Variants in PKN3 observed in about 807,000 individuals in gnomAD.
PKN3 encodes protein kinase N3.
PKN3 carries 91 observed loss-of-function variants against 113.1 expected under a neutral mutation model. That is an observed-to-expected ratio of 0.80 (90% CI 0.68 to 0.96). PKN3 has a LOEUF of 0.96. Among genes scored for constraint, PKN3 ranks in the 40% least tolerant of loss-of-function variants. PKN3 has a pLI of 0.00. For synonymous variants in PKN3, 467 were observed against 499.0 expected, an observed-to-expected ratio of 0.94 and a Z score of 0.85; for missense variants, 1,052 against 1,202.2, an observed-to-expected ratio of 0.88 and a Z score of 1.85.
At chr9:128,716,693 G>A (rs1413484132) in intron 15 of PKN3, 54 bp from the exon 16 acceptor site, 1 of 1,498,352 alleles carries the variant, frequency 6.7e-7, no homozygotes, top group Non-Finnish European at 9.2e-7. Context: ...AGGGCACAGG[G>A]CACAGCCCAG....
rs149634754 is a variant in PKN3, at chr9:128,702,541, G to A, written c.-375G>A. On this transcript the variant is annotated 5_prime_UTR_variant, in exon 1 of 22. Coordinates refer to ENST00000291906, the MANE Select transcript of PKN3 (RefSeq NM_013355.5). ...ACTGGCCGGCTCCCGCGGGCGCGCG[G>A]CGGGGAAGGCCAGAGGACCTGGGCG... The A allele has an allele frequency of 2.8e-3, 644 of 232,114 alleles. 2 individuals are homozygous for A. Among genetic ancestry groups the A allele is most frequent in the African/African-American group, 0.012 (548 of 43,884 alleles). 14.4% of individuals were successfully genotyped at this position (232,114 alleles called of 1,614,324 possible). A position where few individuals can be genotyped will look rare whatever the true frequency, so the allele number is the denominator to read the frequency against.
At chr9:128,704,512 A>G (rs1425978986) in intron 1 of PKN3, among the ~76,000 whole-genome samples, 1 of 152,132 alleles carries the variant, frequency 6.6e-6, no homozygotes, top group Non-Finnish European at 1.5e-5. Context: ...GAGCAGCCTG[A>G]TTACCCAGGG....
In PKN3 at chr9:128,706,883, G is replaced by A. The variant is rs1160306798; in HGVS notation, c.524-13G>A. 15 of 1,613,956 alleles carry A rather than the reference G, an allele frequency of 9.3e-6. No homozygotes were observed. The highest frequency in any genetic ancestry group is 3.3e-4 in the Middle Eastern group (2 of 6,060). The stretch of plus-strand genomic sequence containing the variant: ...GGAAGAGCAGGGCCTGAGAGCCGCC[G>A]TCCTTCCCACAGGGCCTGAGCTGCT... On this transcript the variant is annotated splice_polypyrimidine_tract_variant and intron_variant, in intron 4 of 21. Coordinates refer to ENST00000291906, the MANE Select transcript of PKN3 (RefSeq NM_013355.5).
intron 6 of PKN3, among the ~76,000 whole-genome samples, chr9:128,712,181 A>T (rs1862200546): frequency 6.6e-6 from 1 of 152,114 alleles, no homozygotes; most frequent in Admixed American, 6.5e-5. Flanking sequence ...AAGTGTTGGG[A>T]TTACAGGCAT....
chr9:128,712,193 A>G (rs1343211366), intron 6 of PKN3, among the ~76,000 whole-genome samples: 1 of 152,170 alleles, frequency 6.6e-6, no homozygotes, highest in African/African-American at 2.4e-5. Flanking sequence ...TACAGGCATG[A>G]GCCACTGCGC....
chr9:128,714,620 C>A lies in PKN3; in HGVS notation c.1540C>A (p.Pro514Thr). Reference protein sequence around the residue: ...GEEMTPPPKPPRLYLPQEPTS... With the variant: ...GEEMTPPPKPTRLYLPQEPTS... The stretch of plus-strand genomic sequence containing the variant: ...AGAGATGACACCCCCACCCAAGCCC[C>A]CACGCCTCTACCTCCCCCAGGAGCC... The change falls in exon 12 of 22, where the codon CCA becomes ACA. Residue 514 changes from proline (P) to threonine (T), a missense_variant. This residue lies in a region of PKN3 where 719 missense variants were observed against 759.4 expected (regional missense o/e 0.95). Coordinates refer to ENST00000291906, the MANE Select transcript of PKN3 (RefSeq NM_013355.5). 1 of 1,450,752 alleles carries A rather than the reference C, an allele frequency of 6.9e-7. No individual in the cohort carries two copies. Among genetic ancestry groups the A allele is most frequent in the Non-Finnish European group, 9.7e-7 (1 of 1,031,064 alleles). The allele number at this position is 1,450,752 out of a possible 1,614,324, so 89.9% of individuals were successfully genotyped here.
Position 128,705,330 on chromosome 9 carries a change from G to A in PKN3, c.52G>A (p.Asp18Asn), listed in dbSNP as rs760040215. The A allele has an allele frequency of 6.4e-7, 1 of 1,564,526 alleles. No homozygotes were observed. The highest frequency in any genetic ancestry group is 1.2e-5 in the South Asian group (1 of 85,364). ...QPGPSQWPPE[D>N]EKEVIRRAIQ... ...TGGGCCGAGCCAGTGGCCCCCAGAG[G>A]ATGAGAAGGAGGTGATCCGCCGGGC... is the stretch of plus-strand genomic sequence containing the variant. The change falls in exon 2 of 22, where the codon GAT becomes AAT. Residue 18 changes from aspartate to asparagine, a missense_variant. By Grantham distance (23) the Asp-to-Asn change is conservative. This residue lies in a region of PKN3 where 719 missense variants were observed against 759.4 expected (regional missense o/e 0.95). Coordinates refer to ENST00000291906, the MANE Select transcript of PKN3 (RefSeq NM_013355.5).
At chr9:128,713,971 C>A (rs1287644156) in intron 9 of PKN3, 75 bp from the exon 10 acceptor site, 4 of 1,495,060 alleles carry the variant, frequency 2.7e-6, no homozygotes, top group Admixed American at 1.7e-5. Context: ...GGGCTGTAAT[C>A]CCAGGGGCAG....
At position 128,702,801 on chromosome 9, in the gene PKN3, G is replaced by A; in HGVS notation, c.-115G>A. 1 of 777,270 alleles carries A rather than the reference G, an allele frequency of 1.3e-6. No homozygotes were observed. The highest frequency in any genetic ancestry group is 2.1e-6 in the Non-Finnish European group (1 of 487,148). 48.1% of individuals were successfully genotyped at this position (777,270 alleles called of 1,614,324 possible). On this transcript the variant is annotated 5_prime_UTR_variant, in exon 1 of 22. Transcript: ENST00000291906. ...GTCTCGGGAGGGGGCGCCCGATCCC[G>A]CGTCTCCGGCGCCGCTTCCCGGGAA...
rs1488568550 is a variant in PKN3 at position 128,714,789 on chromosome 9, T to C, written c.1585-9T>C. 1 of 1,613,168 alleles carries C rather than the reference T, an allele frequency of 6.2e-7. No homozygotes were observed. The highest frequency in any genetic ancestry group is 8.5e-7 in the Non-Finnish European group (1 of 1,179,354). On this transcript the variant is annotated splice_polypyrimidine_tract_variant and intron_variant, in intron 12 of 21. Transcript: ENST00000291906. ...CCCAGCCCTGCCCTGAGCTCCTCTA[T>C]ACTCACAGCGCACCAAACGTCCCCA... is the stretch of plus-strand genomic sequence containing the variant.
At position 128,720,378 on chromosome 9, in the gene PKN3, T is replaced by C. The variant is rs1329676008; in HGVS notation, c.2458-16T>C. ...TGCTGTTCCTGCCGTCTCAGGCGCC[T>C]CTCCTTTGCCCTCAGACCACCAACT... On this transcript the variant is annotated splice_polypyrimidine_tract_variant and intron_variant, in intron 21 of 21. Coordinates refer to ENST00000291906, the MANE Select transcript of PKN3 (RefSeq NM_013355.5). This position sits in a 1 kb window ranked among gnomAD's most constrained non-coding sequence, Gnocchi z 5.5. The C allele has an allele frequency of 1.2e-6, 2 of 1,612,480 alleles. No individual in the cohort carries two copies. The highest frequency in any genetic ancestry group is 2.7e-5 in the African/African-American group (2 of 74,826).
intron 16 of PKN3, among the ~76,000 whole-genome samples, 190 bp downstream of exon 16, chr9:128,717,113 G>GTTTAT (rs1554781180): frequency 6.9e-5 from 1 of 14,484 alleles, no homozygotes; most frequent in African/African-American, 2.0e-4. Flanking sequence ...TGTGCATTAG[G>GTTTAT]TTTCTTTTTT....
At chr9:128,703,190 C>T (rs926346957) in intron 1 of PKN3, among the ~76,000 whole-genome samples, 2 of 152,218 alleles carry the variant, frequency 1.3e-5, no homozygotes, top group African/African-American at 4.8e-5. Context: ...CCAACCAGCC[C>T]GTGAGCGAGG....
Position 128,720,831 on chromosome 9 carries a change from C to G in PKN3, c.*225C>G. On this transcript the variant is annotated 3_prime_UTR_variant, in exon 22 of 22. Coordinates refer to ENST00000291906, the MANE Select transcript of PKN3 (RefSeq NM_013355.5). The surrounding 1 kb of genome is among the most constrained non-coding windows in gnomAD (Gnocchi z 5.5). ...GCCCTCTTCTACCTCCCAGCGAGAC[C>G]TGGCCCAGAAAGGGTGCCGCAGCAA... 1.7e-6 allele frequency: 1 copy of G among 598,992 alleles called. No individual in the cohort carries two copies. The highest frequency in any genetic ancestry group is 2.0e-5 in the South Asian group (1 of 49,574). 37.1% of individuals were successfully genotyped at this position (598,992 alleles called of 1,614,324 possible). A position where few individuals can be genotyped will look rare whatever the true frequency, so the allele number is the denominator to read the frequency against.
At chr9:128,707,103 C>T in intron 5 of PKN3, 80 bp downstream of exon 5, 3 of 1,595,554 alleles carry the variant, frequency 1.9e-6, no homozygotes, top group East Asian at 2.2e-5. Flanking sequence ...GGGAGGGTGG[C>T]CGTGTAAAAG....
intron 6 of PKN3, among the ~76,000 whole-genome samples, chr9:128,708,188 C>T (rs2132294623): frequency 6.6e-6 from 1 of 151,922 alleles, no homozygotes; most frequent in South Asian, 2.1e-4. Context: ...CAAGACCAGC[C>T]TGGCCAACAT....
rs1862267273 is a variant in PKN3, at chr9:128,714,192, C to T, written c.1313-5C>T. On this transcript the variant is annotated splice_polypyrimidine_tract_variant and splice_region_variant and intron_variant, in intron 10 of 21. Coordinates refer to ENST00000291906, the MANE Select transcript of PKN3 (RefSeq NM_013355.5). ...CCCGGGACTAAGCTCCCCCTTTTCT[C>T]CCAGGCCAGGACTTCCTGAGGGCTT... 1 of 1,614,054 alleles carries T rather than the reference C, an allele frequency of 6.2e-7. No individual in the cohort carries two copies. Among genetic ancestry groups the T allele is most frequent in the Middle Eastern group, 1.7e-4 (1 of 6,060 alleles).
intron 1 of PKN3, chr9:128,704,058 G>A: frequency 1.2e-6 from 1 of 864,132 alleles, no homozygotes; most frequent in Non-Finnish European, 1.3e-6. Flanking sequence ...CTGAGGTCTG[G>A]GGTGGGGGGG....
At chr9:128,708,779 G>A (rs917606608) in intron 6 of PKN3, among the ~76,000 whole-genome samples, 2 of 151,544 alleles carry the variant, frequency 1.3e-5, no homozygotes, top group Non-Finnish European at 2.9e-5. Flanking sequence ...GGAGGCAGAG[G>A]TTGCAGTAAG....
Sources: gnomAD v4.1 joint callset for allele counts (sites outside exome capture counted in the v4.1 genomes callset) on GRCh38, gnomAD v4.1.1 for gene constraint, gnomAD v4.1.1 regional missense constraint, Gnocchi (gnomAD v3.1) non-coding constraint, MANE v1.5 for transcripts, NCBI Gene and HGNC (gene_info 2026-07-23, HGNC 2026-07-21) for gene names.